Variants in SETBP1 observed in about 807,000 individuals in gnomAD.
SETBP1 encodes the protein SET-binding protein.
In SETBP1, 9 loss-of-function variants were observed where a neutral mutation model predicts 101.0. The ratio of observed to expected loss-of-function variants is 0.09; its 90% confidence interval spans 0.05 to 0.16. The LOEUF (loss-of-function observed/expected upper bound fraction) is 0.16, where lower values mean the gene tolerates loss of function less well. Among genes scored for constraint, SETBP1 ranks in the 10% least tolerant of loss-of-function variants. The pLI is 1.00. For synonymous variants in SETBP1, 818 were observed against 788.5 expected, an observed-to-expected ratio of 1.04 and a Z score of -0.63; for missense variants, 1,858 against 2,033.8, an observed-to-expected ratio of 0.91 and a Z score of 1.66.
At position 44,950,468 on chromosome 18, in the gene SETBP1, T is replaced by C; in HGVS notation, c.1128T>C (p.Ser376=). Residue 376 remains serine (S), a synonymous_variant, in exon 4 of 6, where the codon AGT becomes AGC. Coordinates refer to ENST00000649279, the MANE Select transcript of SETBP1 (RefSeq NM_015559.3). Reference sequence around the variant, plus strand: ...AAAGGGAAGGTTATTCCGCAGATAGTGCCCAAGAGGCATCACCAGCCAGGC... The same window carrying C: ...AAAGGGAAGGTTATTCCGCAGATAGCGCCCAAGAGGCATCACCAGCCAGGC... The part of the protein sequence containing the change: ...EGKREGYSAD[S]AQEASPARQN... 2 of 1,614,144 alleles carry C rather than the reference T, an allele frequency of 1.2e-6. No homozygotes were observed. Among genetic ancestry groups the C allele is most frequent in the Non-Finnish European group, 1.7e-6 (2 of 1,180,036 alleles).
At chr18:44,735,422 CCTTT>C (rs746108827) in intron 2 of SETBP1, among the ~76,000 whole-genome samples, 175 of 152,328 alleles carry the variant, frequency 1.1e-3, no homozygotes, top group Non-Finnish European at 1.9e-3. Context: ...TATTAAATTT[CCTTT>C]CTATCTCTAG....
intron 2 of SETBP1, among the ~76,000 whole-genome samples, chr18:44,705,385 T>A (rs1290206459): frequency 6.6e-6 from 1 of 152,164 alleles, no homozygotes; most frequent in Non-Finnish European, 1.5e-5. Context: ...TACTCTCTGA[T>A]CCTTACAAAA....
At chr18:44,848,737 C>CA (rs2072782135) in intron 2 of SETBP1, among the ~76,000 whole-genome samples, 1 of 152,204 alleles carries the variant, frequency 6.6e-6, no homozygotes, top group South Asian at 2.1e-4. Context: ...CTTATTTGAG[C>CA]ATTGTCATTC....
At chr18:45,040,985 A>C (rs1414977180) in intron 5 of SETBP1, among the ~76,000 whole-genome samples, 1 of 152,172 alleles carries the variant, frequency 6.6e-6, no homozygotes, top group African/African-American at 2.4e-5. Context: ...CACAGATAAA[A>C]AGCTTCCCAC....
chr18:44,773,350 G>C (rs1359408192), intron 2 of SETBP1, among the ~76,000 whole-genome samples: 1 of 152,086 alleles, frequency 6.6e-6, no homozygotes, highest in Admixed American at 6.6e-5. Context: ...ACCTACCAGT[G>C]GGCCTTAGTT....
chr18:44,715,421 C>G (rs1170486344), intron 2 of SETBP1, among the ~76,000 whole-genome samples: 1 of 152,162 alleles, frequency 6.6e-6, no homozygotes, highest in Admixed American at 6.5e-5. Context: ...CTAAAGTGTC[C>G]TGGTTTGGAC....
chr18:44,790,836 C>G (rs1335967011), intron 2 of SETBP1, among the ~76,000 whole-genome samples: 1 of 146,978 alleles, frequency 6.8e-6, no homozygotes, highest in African/African-American at 2.7e-5. Flanking sequence ...TTTAGAGAAG[C>G]CTAAACTTTG....
At chr18:44,825,756 A>G (rs1031447113) in intron 2 of SETBP1, among the ~76,000 whole-genome samples, 2 of 152,232 alleles carry the variant, frequency 1.3e-5, no homozygotes, top group African/African-American at 2.4e-5. Flanking sequence ...TAGAATAATA[A>G]TAATGTCCTT....
intron 4 of SETBP1, among the ~76,000 whole-genome samples, chr18:44,970,919 A>G (rs1420902522): frequency 1.3e-5 from 2 of 151,736 alleles, no homozygotes; most frequent in African/African-American, 4.8e-5. Flanking sequence ...CACAACGTGC[A>G]GGTTTGTTAC....
At chr18:44,752,032 G>A (rs1167130988) in intron 2 of SETBP1, among the ~76,000 whole-genome samples, 2 of 152,002 alleles carry the variant, frequency 1.3e-5, no homozygotes, top group African/African-American at 2.4e-5. Flanking sequence ...CCTCTCAAAG[G>A]TACCATCTCC....
intron 2 of SETBP1, among the ~76,000 whole-genome samples, chr18:44,775,634 AT>A (rs942185908): frequency 4.3e-4 from 65 of 150,144 alleles, no homozygotes; most frequent in African/African-American, 1.6e-3. Flanking sequence ...CCTTCACTCA[AT>A]TCAGGTGATT....
At chr18:44,866,561 T>G (rs2069133853) in intron 2 of SETBP1, among the ~76,000 whole-genome samples, 1 of 152,126 alleles carries the variant, frequency 6.6e-6, no homozygotes. Flanking sequence ...TCTTGTTAGG[T>G]GAAAAATAGA....
chr18:44,928,853 G>A (rs986237464), intron 3 of SETBP1, among the ~76,000 whole-genome samples: 1 of 152,194 alleles, frequency 6.6e-6, no homozygotes, highest in Non-Finnish European at 1.5e-5. Flanking sequence ...TGGGTAGATT[G>A]TAAACATTTT....
chr18:44,774,738 A>G (rs1329710768), intron 2 of SETBP1, among the ~76,000 whole-genome samples: 1 of 152,238 alleles, frequency 6.6e-6, no homozygotes, highest in African/African-American at 2.4e-5. Context: ...ATAGTTATAC[A>G]GTCTGGAAGG....
intron 2 of SETBP1, among the ~76,000 whole-genome samples, chr18:44,867,908 T>G (rs2069165244): frequency 6.6e-6 from 1 of 152,222 alleles, no homozygotes; most frequent in African/African-American, 2.4e-5. Flanking sequence ...CTTCTCTTTC[T>G]TGACCCAAAC....
At chr18:44,680,128 T>G (rs1306315289), upstream of SETBP1, 1 of 141,436 alleles carries the variant, frequency 7.1e-6, no homozygotes, top group Admixed American at 7.0e-5. Flanking sequence ...TTGATATCTC[T>G]CTCCATAAAT....
At chr18:45,040,979 G>A (rs1300807824) in intron 5 of SETBP1, among the ~76,000 whole-genome samples, 1 of 152,196 alleles carries the variant, frequency 6.6e-6, no homozygotes, top group East Asian at 1.9e-4. Context: ...ACTCCCCACA[G>A]ATAAAAAGCT....
chr18:45,026,201 G>A (rs1183277703), intron 4 of SETBP1, among the ~76,000 whole-genome samples: 1 of 152,184 alleles, frequency 6.6e-6, no homozygotes, highest in African/African-American at 2.4e-5. Flanking sequence ...TATCACATCT[G>A]GCATTTTTGG....
At chr18:44,894,547 A>G (rs1012114382) in intron 3 of SETBP1, among the ~76,000 whole-genome samples, 2 of 152,166 alleles carry the variant, frequency 1.3e-5, no homozygotes, top group Non-Finnish European at 2.9e-5. Flanking sequence ...AAAGAAAATT[A>G]TGTTGACTAA....
Sources: allele counts gnomAD v4.1 joint callset (sites outside exome capture counted in the v4.1 genomes callset), GRCh38; gene constraint gnomAD v4.1.1; transcripts MANE v1.5; gene names NCBI Gene and HGNC (gene_info 2026-07-23, HGNC 2026-07-21).